The following SUGCT variants were observed in gnomAD, a reference collection of about 807,000 sequenced individuals.
SUGCT encodes the protein succinyl-CoA:glutarate-CoA transferase.
A neutral mutation model predicts 55.0 loss-of-function variants in SUGCT; 41 were observed. The observed-to-expected ratio is 0.74, with a 90% CI of 0.58 to 0.97. The LOEUF (loss-of-function observed/expected upper bound fraction) is 0.97, where lower values mean the gene tolerates loss of function less well. SUGCT is among the 50% of genes least tolerant of loss of function. The pLI is 0.00. For synonymous variants in SUGCT, 187 were observed against 200.4 expected, an observed-to-expected ratio of 0.93 and a Z score of 0.56; for missense variants, 568 against 547.8, an observed-to-expected ratio of 1.04 and a Z score of -0.37.
rs964056432 is a variant in SUGCT at position 40,852,166 on chromosome 7, C to A, written c.1154-8150C>A. Among the ~76,000 whole-genome samples, 4 of 152,230 alleles carry A rather than the reference C, an allele frequency of 2.6e-5. No individual in the cohort carries two copies. In the South Asian group the frequency reaches 8.3e-4, roughly 32 times the overall value. ...TTGGCTTGTGCCAAACTTGTCCATGCAATCCATTCAATCTTCCCTATCTGG... is the reference window on the plus strand; with the variant it reads ...TTGGCTTGTGCCAAACTTGTCCATGAAATCCATTCAATCTTCCCTATCTGG... On this transcript the variant is annotated intron_variant, in intron 13 of 13. Transcript: ENST00000335693.
At position 40,383,139 on chromosome 7, in the gene SUGCT, G is replaced by GAGCTCTGAAGATAGACTAAGAGTTA. The variant is rs1784953605; in HGVS notation, c.817-66147_817-66123dup. Among the ~76,000 whole-genome samples, 3 of 152,254 alleles carry GAGCTCTGAAGATAGACTAAGAGTTA rather than the reference G, an allele frequency of 2.0e-5. No individual in the cohort carries two copies. The East Asian group carries it at 5.8e-4, about 29-fold the overall frequency. ...TTCTCTGTGAAAGTGATGAAGAGTTGAGCTCTGAAGATAGACTAAGAGTTA... is the reference window on the plus strand; with the variant it reads ...TTCTCTGTGAAAGTGATGAAGAGTTGAGCTCTGAAGATAGACTAAGAGTTAAGCTCTGAAGATAGACTAAGAGTTA... On this transcript the variant is annotated intron_variant, in intron 9 of 13. Transcript: ENST00000335693.
chr7:40,898,433 G>A, the SUGCT span, among the ~76,000 whole-genome samples: 2 of 144,532 alleles, frequency 1.4e-5, no homozygotes, highest in Non-Finnish European at 3.0e-5. Context: ...TGTAACACTC[G>A]GCAGGGCATT....
At chr7:40,375,787 A>G (rs150063435) in intron 9 of SUGCT, among the ~76,000 whole-genome samples, 3 of 152,314 alleles carry the variant, frequency 2.0e-5, no homozygotes, top group Non-Finnish European at 2.9e-5. Context: ...TACCCTCATA[A>G]TACTGTGCCC....
chr7:40,947,248 C>T, the SUGCT span, among the ~76,000 whole-genome samples: 1 of 152,250 alleles, frequency 6.6e-6, no homozygotes, highest in Non-Finnish European at 1.5e-5. Flanking sequence ...GTAAATTTTC[C>T]ATTTCAGTTG....
At chr7:40,462,899 TA>T (rs1215716855) in intron 11 of SUGCT, among the ~76,000 whole-genome samples, 3 of 152,206 alleles carry the variant, frequency 2.0e-5, no homozygotes, top group Non-Finnish European at 4.4e-5. Context: ...AATAACCACT[TA>T]AAAAATTTTT....
chr7:40,949,449 C>G, the SUGCT span, among the ~76,000 whole-genome samples: 1 of 152,124 alleles, frequency 6.6e-6, no homozygotes, highest in African/African-American at 2.4e-5. Context: ...TGCAGAAGCT[C>G]TTTAGTTTAA....
the SUGCT span, among the ~76,000 whole-genome samples, chr7:40,954,062 G>A: frequency 2.0e-5 from 3 of 152,252 alleles, no homozygotes; most frequent in South Asian, 6.2e-4. Context: ...GGAGTCTACA[G>A]AGGCAGGCAG....
At chr7:40,799,254 C>T (rs1014914396) in intron 13 of SUGCT, among the ~76,000 whole-genome samples, 1 of 150,228 alleles carries the variant, frequency 6.7e-6, no homozygotes, top group African/African-American at 2.5e-5. Context: ...AACACTCAAA[C>T]CAGACCTTTC....
chr7:40,266,864 A>C (rs1339822748), intron 7 of SUGCT, among the ~76,000 whole-genome samples: 2 of 152,038 alleles, frequency 1.3e-5, no homozygotes, highest in Non-Finnish European at 2.9e-5. Flanking sequence ...AAAATAAAAA[A>C]ATTAGCCGGG....
chr7:40,421,229 C>T (rs765312567), intron 9 of SUGCT, among the ~76,000 whole-genome samples: 5 of 152,158 alleles, frequency 3.3e-5, no homozygotes, highest in Non-Finnish European at 7.4e-5. Context: ...TTTTTCAGTT[C>T]TGGGGACTTT....
chr7:40,580,810 T>A (rs569304128), intron 12 of SUGCT, among the ~76,000 whole-genome samples: 1 of 152,330 alleles, frequency 6.6e-6, no homozygotes, highest in African/African-American at 2.4e-5. Context: ...TTTGTTACAA[T>A]TGCCTACCGT....
intron 8 of SUGCT, among the ~76,000 whole-genome samples, chr7:40,293,909 A>G (rs1396663822): frequency 6.6e-6 from 1 of 152,100 alleles, no homozygotes; most frequent in Non-Finnish European, 1.5e-5. Context: ...CTACCTCAGG[A>G]CAGGGGACTA....
intron 13 of SUGCT, among the ~76,000 whole-genome samples, chr7:40,773,808 C>T (rs917584907): frequency 6.6e-5 from 10 of 152,162 alleles, no homozygotes; most frequent in African/African-American, 1.7e-4. Context: ...AATTCATTCC[C>T]GAAGCTGTGC....
chr7:40,369,182 T>G (rs1784161888), intron 9 of SUGCT, among the ~76,000 whole-genome samples: 1 of 151,986 alleles, frequency 6.6e-6, no homozygotes, highest in African/African-American at 2.4e-5. Flanking sequence ...TCACATGCAG[T>G]GAGATTAGCA....
chr7:40,539,269 A>G (rs1794543951), intron 12 of SUGCT: 2 of 152,030 alleles, frequency 1.3e-5, no homozygotes, highest in African/African-American at 4.8e-5. Flanking sequence ...GAAGTCCAAA[A>G]CTTACTTTTC....
intron 12 of SUGCT, among the ~76,000 whole-genome samples, chr7:40,566,001 A>ACACACACACACACACGCG (rs1796124845): frequency 7.0e-6 from 1 of 142,602 alleles, no homozygotes; most frequent in Non-Finnish European, 1.6e-5. Context: ...ACGCACACAC[A>ACACACACACACACACGCG]CACACACACA....
At chr7:40,967,551 A>G in the SUGCT span, among the ~76,000 whole-genome samples, 1 of 152,216 alleles carries the variant, frequency 6.6e-6, no homozygotes, top group East Asian at 1.9e-4. Flanking sequence ...AAGTACTTGT[A>G]TAAATTCTGG....
chr7:40,394,943 T>G (rs535244154), intron 9 of SUGCT, among the ~76,000 whole-genome samples: 8 of 152,368 alleles, frequency 5.3e-5, no homozygotes, highest in Non-Finnish European at 2.9e-5. Context: ...TTAAGTTGAT[T>G]CCATATCTTG....
intron 11 of SUGCT, 50 bp from the exon 12 acceptor site, chr7:40,496,234 G>A: frequency 8.5e-7 from 1 of 1,182,398 alleles, no homozygotes; most frequent in South Asian, 1.3e-5. Flanking sequence ...AGAAGAGGCT[G>A]TGTTACATTC....
Sources: gnomAD v4.1 joint callset for allele counts (sites outside exome capture counted in the v4.1 genomes callset) on GRCh38, gnomAD v4.1.1 for gene constraint, MANE v1.5 for transcripts, NCBI Gene and HGNC (gene_info 2026-07-23, HGNC 2026-07-21) for gene names.